Variants in MBOAT7 observed in about 807,000 individuals in gnomAD.
MBOAT7 encodes membrane-bound acylglycerophosphatidylinositol O-acyltransferase MBOAT7.
A neutral mutation model predicts 47.4 loss-of-function variants in MBOAT7; 40 were observed. The ratio of observed to expected loss-of-function variants is 0.84; its 90% CI spans 0.66 to 1.10. The LOEUF (loss-of-function observed/expected upper bound fraction) is 1.10, where lower values mean the gene tolerates loss of function less well. Ranked by LOEUF, MBOAT7 falls within the 50% of genes least tolerant of loss-of-function variation. The pLI, the probability that MBOAT7 is intolerant of heterozygous loss-of-function variation, is 0.00. For missense variants in MBOAT7, 680 were observed against 655.6 expected, an observed-to-expected ratio of 1.04 and a Z score of -0.41; for synonymous variants, 361 against 292.0, an observed-to-expected ratio of 1.24 and a Z score of -2.41.
rs770373656 is a variant in MBOAT7, at chr19:54,184,161, CTT to C, written c.334-483_334-482del. Among the ~76,000 whole-genome samples the C allele has an allele frequency of 2.7e-3, 278 of 103,884 alleles. 1 individual carries two copies. The highest frequency in any genetic ancestry group is 0.012 in the Middle Eastern group (2 of 172). 68.2% of individuals were successfully genotyped at this position (103,884 alleles called of 152,430 possible). A position where few individuals can be genotyped will look rare whatever the true frequency, so the allele number is the denominator to read the frequency against. On this transcript the variant is annotated intron_variant, in intron 4 of 7. Coordinates refer to ENST00000245615, the MANE Select transcript of MBOAT7 (RefSeq NM_024298.5). ...AAATCCGATCCTTTAATCTCTCTCT[CTT>C]TTTTTTTTTTTTTTTTTTTGAGACA...
chr19:54,177,900 GTTTTTTTTTTTTTTT>G (rs761565984), intron 7 of MBOAT7, among the ~76,000 whole-genome samples: 12 of 76,000 alleles, frequency 1.6e-4, no homozygotes, highest in Admixed American at 5.2e-4. Context: ...TTCTACTTCT[GTTTTTTTTTTTTTTT>G]TTTTTTTTTT....
intron 7 of MBOAT7, among the ~76,000 whole-genome samples, chr19:54,177,900 GTTTTTTTTTTTT>G (rs761565984): frequency 0.36 from 27,476 of 76,298 alleles, 3,597 homozygotes; most frequent in South Asian, 0.43. Flanking sequence ...TTCTACTTCT[GTTTTTTTTTTTT>G]TTTTTTTTTT....
chr19:54,180,486 A>AG lies in MBOAT7; in HGVS notation c.854+286dup. 2.7e-6 allele frequency: 1 copy of AG among 374,504 alleles called. No homozygotes were observed. The allele number at this position is 374,504 out of a possible 1,614,324, so 23.2% of individuals were successfully genotyped here. On this transcript the variant is annotated intron_variant, in intron 6 of 7. Coordinates refer to ENST00000245615, the MANE Select transcript of MBOAT7 (RefSeq NM_024298.5). The surrounding 1 kb of genome is among the most constrained non-coding windows in gnomAD (Gnocchi z 5.2). Reference sequence around the variant, plus strand: ...GGGGGTGACACTTCTGTGGCAACAGAGGGGTGGCACAGGGTTGCTAAGTTA... The same window carrying AG: ...GGGGGTGACACTTCTGTGGCAACAGAGGGGGTGGCACAGGGTTGCTAAGTTA...
At position 54,174,331 on chromosome 19, in the gene MBOAT7, G is replaced by A. The variant is rs144021940; in HGVS notation, c.1132C>T (p.Arg378Trp). The A allele has an allele frequency of 1.1e-4, 183 of 1,613,050 alleles. No individual in the cohort carries two copies. In the African/African-American group the frequency reaches 1.5e-3, roughly 13 times the overall value. ...TIPLCLAAEG[R>W]LESALRGRLS... ...CGCCCCCGCAGGGCTGACTCCAGCC[G>A]GCCCTCGGCAGCCAGGCACAGCGGG... The change falls in exon 8 of 8, where the codon CGG becomes TGG. Residue 378 changes from arginine to tryptophan, a missense_variant. By Grantham distance (101) the Arg-to-Trp change is moderately radical (BLOSUM62 -3). Transcript: ENST00000245615.
intron 6 of MBOAT7, chr19:54,179,770 A>AC (rs917419937): frequency 2.6e-5 from 4 of 152,014 alleles, no homozygotes; most frequent in African/African-American, 4.8e-5. Context: ...GGGTGTCACT[A>AC]CCCCCACAAC....
chr19:54,183,703 G>A, intron 4 of MBOAT7, 23 bp from the exon 5 acceptor site: 1 of 1,526,588 alleles, frequency 6.6e-7, no homozygotes, highest in South Asian at 1.3e-5. Flanking sequence ...GGGTGGGCAA[G>A]GGGCCAGGTC....
chr19:54,180,668 T>C lies in MBOAT7; in HGVS notation c.854+105A>G. On this transcript the variant is annotated intron_variant, in intron 6 of 7. Coordinates refer to ENST00000245615, the MANE Select transcript of MBOAT7 (RefSeq NM_024298.5). The surrounding 1 kb of genome is among the most constrained non-coding windows in gnomAD (Gnocchi z 5.2). The stretch of plus-strand genomic sequence containing the variant: ...GGCGACACTCTGCTCAAAAAGGTGG[T>C]GGCCCTGGCCCCTTGCTCCCCGCTC... 2.7e-6 allele frequency: 3 copies of C among 1,107,244 alleles called. No individual in the cohort carries two copies. The highest frequency in any genetic ancestry group is 3.7e-6 in the Non-Finnish European group (3 of 804,474). The allele number at this position is 1,107,244 out of a possible 1,614,324, so 68.6% of individuals were successfully genotyped here.
rs987446706 is a variant in MBOAT7, at chr19:54,180,551, C to T, written c.854+222G>A. ...CGACAGGGGGCAGTTCACCACACTG[C>T]GGGGTGACAAGCGCTAGCAACAAGG... is the stretch of plus-strand genomic sequence containing the variant. On this transcript the variant is annotated intron_variant, in intron 6 of 7. Coordinates refer to ENST00000245615, the MANE Select transcript of MBOAT7 (RefSeq NM_024298.5). This position sits in a 1 kb window ranked among gnomAD's most constrained non-coding sequence, Gnocchi z 5.2. The T allele has an allele frequency of 3.7e-5, 20 of 545,098 alleles. No homozygotes were observed. The South Asian group carries it at 4.3e-4, about 12-fold the overall frequency. The allele number at this position is 545,098 out of a possible 1,614,324, so 33.8% of individuals were successfully genotyped here. A position where few individuals can be genotyped will look rare whatever the true frequency, so the allele number is the denominator to read the frequency against.
At chr19:54,186,878 G>A (rs1159750542) in intron 4 of MBOAT7, 3 of 452,870 alleles carry the variant, frequency 6.6e-6, no homozygotes, top group East Asian at 6.8e-5. Flanking sequence ...CAGCATGTTG[G>A]TAAACCACCC....
chr19:54,175,469 G>T (rs897725620), intron 7 of MBOAT7, among the ~76,000 whole-genome samples: 6 of 152,184 alleles, frequency 3.9e-5, no homozygotes, highest in African/African-American at 1.4e-4. Flanking sequence ...CTCCTGCCTG[G>T]CTCATGAAGA....
At position 54,173,884 on chromosome 19, in the gene MBOAT7, C is replaced by G; in HGVS notation, c.*160G>C. Reference sequence around the variant, plus strand: ...GCCTCTGGGCAGAGGGCAGGGAGGACACCCCCGGGTCTGCTTCAGTTGCAG... The same window carrying G: ...GCCTCTGGGCAGAGGGCAGGGAGGAGACCCCCGGGTCTGCTTCAGTTGCAG... On this transcript the variant is annotated 3_prime_UTR_variant, in exon 8 of 8. Transcript: ENST00000245615. 1 of 847,296 alleles carries G rather than the reference C, an allele frequency of 1.2e-6. No individual in the cohort carries two copies. Among genetic ancestry groups the G allele is most frequent in the Non-Finnish European group, 1.7e-6 (1 of 574,764 alleles). 52.5% of individuals were successfully genotyped at this position (847,296 alleles called of 1,614,324 possible). A position where few individuals can be genotyped will look rare whatever the true frequency, so the allele number is the denominator to read the frequency against.
At chr19:54,178,642 C>T (rs2076176193) in intron 7 of MBOAT7, 123 bp downstream of exon 7, 1 of 1,456,902 alleles carries the variant, frequency 6.9e-7, no homozygotes, top group African/African-American at 1.4e-5. Context: ...CCAGGCTAAA[C>T]AAACTACAAT....
At chr19:54,188,015 CAGAAAGAAAGAA>C (rs374807150) in intron 3 of MBOAT7, among the ~76,000 whole-genome samples, 190 bp downstream of exon 3, 24 of 78,382 alleles carry the variant, frequency 3.1e-4, no homozygotes, top group South Asian at 1.7e-3. Context: ...AACTCCATCT[CAGAAAGAAAGAA>C]AGAAAGAAAG....
intron 2 of MBOAT7, 28 bp downstream of exon 2, chr19:54,188,405 T>A: frequency 6.3e-7 from 1 of 1,580,252 alleles, no homozygotes; most frequent in Non-Finnish European, 8.6e-7. Context: ...CCCCCTTTAT[T>A]TTCCACTGGG....
intron 4 of MBOAT7, among the ~76,000 whole-genome samples, chr19:54,184,200 G>T (rs1311345590): frequency 1.7e-3 from 79 of 45,884 alleles, no homozygotes; most frequent in African/African-American, 6.4e-3. Flanking sequence ...GTTTTGCTCT[G>T]TCACCAGGCT....
chr19:54,188,774 G>A (rs1488181862), intron 1 of MBOAT7, among the ~76,000 whole-genome samples: 1 of 152,006 alleles, frequency 6.6e-6, no homozygotes, highest in African/African-American at 2.4e-5. Flanking sequence ...CCAGGAAAGT[G>A]TGGGGATCTC....
At chr19:54,179,027 T>A in intron 6 of MBOAT7, 86 bp from the exon 7 acceptor site, 1 of 1,528,798 alleles carries the variant, frequency 6.5e-7, no homozygotes. Flanking sequence ...CAGCCCCGGA[T>A]GCTAAGGAAG....
At chr19:54,175,230 G>T (rs537289317) in intron 7 of MBOAT7, among the ~76,000 whole-genome samples, 14 of 152,092 alleles carry the variant, frequency 9.2e-5, no homozygotes, top group Non-Finnish European at 2.9e-5. Context: ...TGCCCGCCTT[G>T]GCCTCCCAAA....
Position 54,180,770 on chromosome 19 carries a change from G to A in MBOAT7, c.854+3C>T. 1 of 1,519,194 alleles carries A rather than the reference G, an allele frequency of 6.6e-7. No individual in the cohort carries two copies. Among genetic ancestry groups the A allele is most frequent in the Non-Finnish European group, 8.8e-7 (1 of 1,138,964 alleles). 94.1% of individuals were successfully genotyped at this position (1,519,194 alleles called of 1,614,324 possible). ...TTGGGAAGCCTCCCTCGCGCCGCCT[G>A]ACCTGCTGGGGGGTGGGCATTGGAG... On this transcript the variant is annotated splice_donor_region_variant and intron_variant, in intron 6 of 7. Transcript: ENST00000245615. This position sits in a 1 kb window ranked among gnomAD's most constrained non-coding sequence, Gnocchi z 5.2.
Sources: gnomAD v4.1 joint callset for allele counts (sites outside exome capture counted in the v4.1 genomes callset) on GRCh38, gnomAD v4.1.1 for gene constraint, Gnocchi (gnomAD v3.1) non-coding constraint, MANE v1.5 for transcripts, NCBI Gene and HGNC (gene_info 2026-07-23, HGNC 2026-07-21) for gene names.